The following FAM32A variants were observed in gnomAD, a reference collection of about 807,000 sequenced individuals.
The protein encoded by FAM32A is family with sequence similarity 32 member A.
Under a neutral mutation model 15.8 loss-of-function variants are expected in FAM32A, and 9 were observed. The ratio of observed to expected loss-of-function variants is 0.57; its 90% confidence interval spans 0.34 to 1.00. The LOEUF (loss-of-function observed/expected upper bound fraction) is 1.00, where lower values mean the gene tolerates loss of function less well. Ranked by LOEUF, FAM32A falls within the 50% of genes least tolerant of loss-of-function variation. The pLI, the probability that FAM32A is intolerant of heterozygous loss-of-function variation, is 0.02. For synonymous variants in FAM32A, 64 were observed against 54.9 expected, an observed-to-expected ratio of 1.16 and a Z score of -0.73; for missense variants, 113 against 138.3, an observed-to-expected ratio of 0.82 and a Z score of 0.92.
chr19:16,185,602 G>A, intron 1 of FAM32A, 22 bp from the exon 2 acceptor site: 3 of 1,597,748 alleles, frequency 1.9e-6, no homozygotes, highest in Non-Finnish European at 8.5e-7. Flanking sequence ...CCGACCCGCC[G>A]CCTCCTCATG....
intron 2 of FAM32A, among the ~76,000 whole-genome samples, chr19:16,190,239 G>T (rs1295365713): frequency 6.6e-6 from 1 of 152,138 alleles, no homozygotes; most frequent in African/African-American, 2.4e-5. Context: ...GCCTCCTCAG[G>T]ATGCAGGAAG....
chr19:16,188,556 G>A (rs2091394253), intron 2 of FAM32A, among the ~76,000 whole-genome samples: 1 of 152,234 alleles, frequency 6.6e-6, no homozygotes, highest in African/African-American at 2.4e-5. Flanking sequence ...TTCAGGACTA[G>A]CCTGGGCAAC....
chr19:16,187,141 G>GGT (rs1226773745), intron 2 of FAM32A, among the ~76,000 whole-genome samples: 1 of 152,128 alleles, frequency 6.6e-6, no homozygotes, highest in Non-Finnish European at 1.5e-5. Flanking sequence ...ACAAATTAGT[G>GGT]GTGTGACCCT....
rs1242826796 is a variant in FAM32A at position 16,191,339 on chromosome 19, C to T, written c.*384C>T. The T allele has an allele frequency of 2.4e-5, 7 of 291,664 alleles. No individual in the cohort carries two copies. The highest frequency in any genetic ancestry group is 4.0e-5 in the Non-Finnish European group (6 of 148,802). 18.1% of individuals were successfully genotyped at this position (291,664 alleles called of 1,614,324 possible). ...CAGACTCCAGAGGGTAAGGAGCTAG[C>T]GCCATGGTGGCCTGCAGTATGCAGA... On this transcript the variant is annotated 3_prime_UTR_variant, in exon 4 of 4. Transcript: ENST00000263384.
rs895808694 is a variant in FAM32A at position 16,191,005 on chromosome 19, C to T, written c.*50C>T. The T allele has an allele frequency of 7.2e-7, 1 of 1,393,138 alleles. No homozygotes were observed. Among genetic ancestry groups the T allele is most frequent in the East Asian group, 2.3e-5 (1 of 43,840 alleles). 86.3% of individuals were successfully genotyped at this position (1,393,138 alleles called of 1,614,324 possible). A position where few individuals can be genotyped will look rare whatever the true frequency, so the allele number is the denominator to read the frequency against. ...CATCGAGGGTTCGCAAAAGGCCACACTGGGGTTGTGTGTGTTTCCTTTGGT... is the reference window on the plus strand; with the variant it reads ...CATCGAGGGTTCGCAAAAGGCCACATTGGGGTTGTGTGTGTTTCCTTTGGT... On this transcript the variant is annotated 3_prime_UTR_variant, in exon 4 of 4. Coordinates refer to ENST00000263384, the MANE Select transcript of FAM32A (RefSeq NM_014077.4).
intron 2 of FAM32A, chr19:16,187,392 G>A (rs1340804247): frequency 6.6e-6 from 1 of 151,526 alleles, no homozygotes; most frequent in African/African-American, 2.4e-5. Flanking sequence ...CAGTACCCGG[G>A]AGGCAGAGGT....
chr19:16,190,650 G>C lies in FAM32A; in HGVS notation c.270+77G>C, dbSNP rs919037406. 4.3e-6 allele frequency: 5 copies of C among 1,160,730 alleles called. No individual in the cohort carries two copies. The African/African-American group carries it at 4.5e-5, about 11-fold the overall frequency. 71.9% of individuals were successfully genotyped at this position (1,160,730 alleles called of 1,614,324 possible). A position where few individuals can be genotyped will look rare whatever the true frequency, so the allele number is the denominator to read the frequency against. ...GGCCCAGAGGCTATCAGCTGGCAGA[G>C]GGAGCTGTTGGCATGTTGACGAGAA... On this transcript the variant is annotated intron_variant, in intron 3 of 3. Coordinates refer to ENST00000263384, the MANE Select transcript of FAM32A (RefSeq NM_014077.4).
chr19:16,186,776 C>T (rs1013833564), intron 2 of FAM32A: 2 of 152,200 alleles, frequency 1.3e-5, no homozygotes, highest in African/African-American at 2.4e-5. Context: ...AGTCTCCACC[C>T]CCCTAAACTC....
intron 2 of FAM32A, among the ~76,000 whole-genome samples, chr19:16,188,617 C>G (rs557630648): frequency 4.3e-4 from 65 of 152,356 alleles, no homozygotes; most frequent in African/African-American, 1.5e-3. Context: ...GGGTGTCACG[C>G]CTGTGGGCAG....
At position 16,191,930 on chromosome 19, in the gene FAM32A, C is replaced by T. The variant is rs1047728825; in HGVS notation, c.*975C>T. On this transcript the variant is annotated 3_prime_UTR_variant, in exon 4 of 4. Transcript: ENST00000263384. ...AAACCACATATGTTATTGGGAGAAA[C>T]GATTTCTGTTGACGTAGATATTGAA... 3.9e-5 allele frequency: 6 copies of T among 152,198 alleles called. No homozygotes were observed. The highest frequency in any genetic ancestry group is 1.3e-4 in the Admixed American group (2 of 15,272). 9.4% of individuals were successfully genotyped at this position (152,198 alleles called of 1,614,324 possible). A position where few individuals can be genotyped will look rare whatever the true frequency, so the allele number is the denominator to read the frequency against.
chr19:16,190,008 G>A (rs1271701801), intron 2 of FAM32A, among the ~76,000 whole-genome samples: 2 of 152,128 alleles, frequency 1.3e-5, no homozygotes, highest in Non-Finnish European at 2.9e-5. Flanking sequence ...CTTTCCAGGT[G>A]TCATTGAGTG....
chr19:16,190,772 A>C, intron 3 of FAM32A, 115 bp from the exon 4 acceptor site: 1 of 969,442 alleles, frequency 1.0e-6, no homozygotes, highest in South Asian at 1.3e-5. Context: ...TGAGTTTGAG[A>C]GGAGGGGGCT....
At chr19:16,188,640 T>C (rs1248203402) in intron 2 of FAM32A, among the ~76,000 whole-genome samples, 7 of 152,216 alleles carry the variant, frequency 4.6e-5, no homozygotes, top group Non-Finnish European at 7.3e-5. Context: ...CCCAGCCAGG[T>C]GCCTGGCATT....
At position 16,185,633 on chromosome 19, in the gene FAM32A, AAAG is replaced by A. The variant is rs1312051041; in HGVS notation, c.88_90del (p.Lys30del). 15 of 1,599,398 alleles carry A rather than the reference AAAG, an allele frequency of 9.4e-6. No individual in the cohort carries two copies. The highest frequency in any genetic ancestry group is 2.2e-5 in the East Asian group (1 of 44,672). ...TCATGTCTTTTTCCAGGAAGAAGAA[AAAG>A]AAGGACAAAGACAAAGCGAAACTCC... On this transcript the variant is annotated inframe_deletion, in exon 2 of 4. Transcript: ENST00000263384.
rs1226847720 is a variant in FAM32A at position 16,185,714 on chromosome 19, G to A, written c.165G>A (p.Leu55=). 3 of 1,559,510 alleles carry A rather than the reference G, an allele frequency of 1.9e-6. No homozygotes were observed. The highest frequency in any genetic ancestry group is 1.2e-5 in the South Asian group (1 of 84,746). Residue 55 remains leucine, a synonymous_variant, in exon 2 of 4, where the codon CTG becomes CTA. Transcript: ENST00000263384. ...KKNEEEKRRG[L]DKRTPAQAAF... is the part of the protein sequence containing the mutation. ...ACGAGGAGGAGAAGCGGCGCGGCCT[G>A]GACAAGCGGACCCCGGCCCAGGCGG... is the stretch of plus-strand genomic sequence containing the variant.
chr19:16,191,111 A>T lies in FAM32A; in HGVS notation c.*156A>T. 1 of 651,848 alleles carries T rather than the reference A, an allele frequency of 1.5e-6. No individual in the cohort carries two copies. Among genetic ancestry groups the T allele is most frequent in the Non-Finnish European group, 2.8e-6 (1 of 358,574 alleles). 40.4% of individuals were successfully genotyped at this position (651,848 alleles called of 1,614,324 possible). On this transcript the variant is annotated 3_prime_UTR_variant, in exon 4 of 4. Transcript: ENST00000263384. Reference sequence around the variant, plus strand: ...TCGAAGCTGTGTACCCTCATTCTGGAACTTGATTAAAGTAAGATCGTCCTT... The same window carrying T: ...TCGAAGCTGTGTACCCTCATTCTGGTACTTGATTAAAGTAAGATCGTCCTT...
intron 2 of FAM32A, chr19:16,186,562 C>T (rs2091386695): frequency 6.6e-6 from 1 of 152,224 alleles, no homozygotes; most frequent in Admixed American, 6.5e-5. Flanking sequence ...GCCACCGCAC[C>T]CAGTCTCAGC....
rs1364800461 is a variant in FAM32A, at chr19:16,191,081, G to C, written c.*126G>C. 5 of 730,184 alleles carry C rather than the reference G, an allele frequency of 6.8e-6. No homozygotes were observed. The Admixed American group carries it at 8.2e-5, about 12-fold the overall frequency. The allele number at this position is 730,184 out of a possible 1,614,324, so 45.2% of individuals were successfully genotyped here. A position where few individuals can be genotyped will look rare whatever the true frequency, so the allele number is the denominator to read the frequency against. On this transcript the variant is annotated 3_prime_UTR_variant, in exon 4 of 4. Coordinates refer to ENST00000263384, the MANE Select transcript of FAM32A (RefSeq NM_014077.4). ...ACCCTTGCATCTTCTGCTACAGACT[G>C]CTTTTCGAAGCTGTGTACCCTCATT...
chr19:16,190,557 A>C lies in FAM32A; in HGVS notation c.254A>C (p.His85Pro). The C allele has an allele frequency of 6.2e-7, 1 of 1,613,368 alleles. No homozygotes were observed. The highest frequency in any genetic ancestry group is 8.5e-7 in the Non-Finnish European group (1 of 1,179,566). ...ATCCTAAAGAAGGCATCCAAAACCC[A>C]CAAGCAGAGAGTGGAGGTGAGTCGC... ...ERILKKASKT[H>P]KQRVEDFNRH... Residue 85 changes from histidine (H) to proline (P), a missense_variant, in exon 3 of 4, where the codon CAC becomes CCC. Physicochemically the swap from His to Pro is moderately conservative, Grantham distance 77. Around this residue, in one of 2 missense-constraint regions of FAM32A, gnomAD observed 112 missense variants for 118.6 expected, o/e 0.94. Coordinates refer to ENST00000263384, the MANE Select transcript of FAM32A (RefSeq NM_014077.4).
Sources: gnomAD v4.1 joint callset for allele counts (sites outside exome capture counted in the v4.1 genomes callset) on GRCh38, gnomAD v4.1.1 for gene constraint, gnomAD v4.1.1 regional missense constraint, MANE v1.5 for transcripts, NCBI Gene and HGNC (gene_info 2026-07-23, HGNC 2026-07-21) for gene names.